Variants in ASZ1 observed in about 807,000 individuals in gnomAD.
ASZ1 encodes ankyrin repeat, SAM and basic leucine zipper domain-containing protein 1.
In ASZ1, 67 loss-of-function variants were observed where a neutral mutation model predicts 61.8. The observed-to-expected ratio is 1.08, with a 90% confidence interval of 0.89 to 1.33. The LOEUF (loss-of-function observed/expected upper bound fraction) is 1.33, where lower values mean the gene tolerates loss of function less well. Among genes scored for constraint, ASZ1 ranks in the 40% most tolerant of loss-of-function variants. The pLI is 0.00. For synonymous variants in ASZ1, 193 were observed against 192.7 expected (o/e 1.00, Z -0.01); for missense variants, 577 against 554.5 (o/e 1.04, Z -0.41).
At chr7:117,394,981 T>C (rs1009162412) in intron 4 of ASZ1, among the ~76,000 whole-genome samples, 3 of 152,220 alleles carry the variant, frequency 2.0e-5, no homozygotes, top group Non-Finnish European at 4.4e-5. Flanking sequence ...CCACTTTCTC[T>C]AGTTTAAGTC....
intron 4 of ASZ1, among the ~76,000 whole-genome samples, chr7:117,396,339 C>A (rs76345082): frequency 2.0e-5 from 3 of 152,154 alleles, no homozygotes; most frequent in African/African-American, 4.8e-5. Context: ...AAAGTGCTTA[C>A]AACAAGCATC....
chr7:117,365,389 T>C (rs375162302), intron 12 of ASZ1, among the ~76,000 whole-genome samples: 21 of 152,316 alleles, frequency 1.4e-4, no homozygotes, highest in East Asian at 9.6e-4. Flanking sequence ...GATTGAATTG[T>C]GTATACTTTA....
At chr7:117,392,848 CTTT>C (rs761543858) in intron 4 of ASZ1, among the ~76,000 whole-genome samples, 8 of 138,996 alleles carry the variant, frequency 5.8e-5, no homozygotes, top group East Asian at 2.0e-4. Context: ...TAAGATATAT[CTTT>C]TTTTTTTTTT....
At chr7:117,409,137 A>G (rs1796846168) in intron 4 of ASZ1, among the ~76,000 whole-genome samples, 1 of 152,042 alleles carries the variant, frequency 6.6e-6, no homozygotes, top group African/African-American at 2.4e-5. Context: ...TATAAGAAAG[A>G]AAGAAGGAAA....
chr7:117,367,444 G>A lies in ASZ1; in HGVS notation c.1183C>T (p.Pro395Ser), dbSNP rs1365037096. 6.5e-7 allele frequency: 1 copy of A among 1,542,778 alleles called. No individual in the cohort carries two copies. Among genetic ancestry groups the A allele is most frequent in the East Asian group, 2.4e-5 (1 of 40,896 alleles). Residue 395 changes from proline to serine, a missense_variant, in exon 12 of 13, where the codon CCC (proline) becomes TCC (serine). Coordinates refer to ENST00000284629, the MANE Select transcript of ASZ1 (RefSeq NM_130768.3). ...SQKITLEWAS[P>S]QNFTSVCEEL... ...TCACAAACTGAAGTAAAATTCTGGG[G>A]AGAAGCCCATTCCAGTGTTATCTGT...
At chr7:117,376,941 T>C (rs1013995262) in intron 10 of ASZ1, among the ~76,000 whole-genome samples, 1 of 151,236 alleles carries the variant, frequency 6.6e-6, no homozygotes, top group Non-Finnish European at 1.5e-5. Context: ...CCCACTGCCA[T>C]GAGGGAAAAA....
At chr7:117,425,154 C>T (rs1451678833) in intron 2 of ASZ1, among the ~76,000 whole-genome samples, 1 of 151,522 alleles carries the variant, frequency 6.6e-6, no homozygotes, top group African/African-American at 2.4e-5. Context: ...TATATAATCA[C>T]ATCTAACTAC....
Position 117,423,159 on chromosome 7 carries a change from C to T in ASZ1, c.206-800G>A, listed in dbSNP as rs1470579171. Reference sequence around the variant, plus strand: ...AATTCTGTCTTGGACAATCGAATGACAAGCAGTGAGCTAAAATAAAGGGAG... The same window carrying T: ...AATTCTGTCTTGGACAATCGAATGATAAGCAGTGAGCTAAAATAAAGGGAG... On this transcript the variant is annotated intron_variant, in intron 2 of 12. Transcript: ENST00000284629. Among the ~76,000 whole-genome samples the T allele has an allele frequency of 2.6e-5, 4 of 152,134 alleles. No individual in the cohort carries two copies. In the East Asian group the frequency reaches 7.7e-4, roughly 29 times the overall value.
intron 4 of ASZ1, among the ~76,000 whole-genome samples, chr7:117,397,845 G>C (rs1398336102): frequency 6.6e-6 from 1 of 152,228 alleles, no homozygotes; most frequent in Non-Finnish European, 1.5e-5. Flanking sequence ...ATTGGCTGTG[G>C]GCCAAGCATG....
In ASZ1 at chr7:117,380,598, G is replaced by C. The variant is rs573484950; in HGVS notation, c.945+413C>G. Among the ~76,000 whole-genome samples, 22 of 151,558 alleles carry C rather than the reference G, an allele frequency of 1.5e-4. No homozygotes were observed. The South Asian group carries it at 3.7e-3, about 26-fold the overall frequency. Reference sequence around the variant, plus strand: ...TCTCTAATACATCCCGCAGCTATATGTTATTAGATAATACTAGATGGCAAA... The same window carrying C: ...TCTCTAATACATCCCGCAGCTATATCTTATTAGATAATACTAGATGGCAAA... On this transcript the variant is annotated intron_variant, in intron 9 of 12. Coordinates refer to ENST00000284629, the MANE Select transcript of ASZ1 (RefSeq NM_130768.3).
intron 4 of ASZ1, among the ~76,000 whole-genome samples, chr7:117,415,060 C>A (rs912816303): frequency 6.6e-6 from 1 of 152,096 alleles, no homozygotes; most frequent in Non-Finnish European, 1.5e-5. Flanking sequence ...CTTGAGGAAT[C>A]GCCACACTGT....
chr7:117,402,961 C>G (rs113081583), intron 4 of ASZ1, among the ~76,000 whole-genome samples: 12 of 151,812 alleles, frequency 7.9e-5, no homozygotes, highest in Admixed American at 7.2e-4. Flanking sequence ...TAGAAAAAGA[C>G]TTAGCATGAT....
intron 10 of ASZ1, among the ~76,000 whole-genome samples, chr7:117,370,302 C>T (rs6960356): frequency 0.55 from 83,858 of 151,952 alleles, 26,573 homozygotes; most frequent in African/African-American, 0.88. Flanking sequence ...AAGAAGACCA[C>T]AGGACATATT....
chr7:117,384,852 C>A lies in ASZ1; in HGVS notation c.561G>T (p.Thr187=), dbSNP rs753320399. Residue 187 remains threonine, a synonymous_variant, in exon 6 of 13, where the codon ACG becomes ACT. Coordinates refer to ENST00000284629, the MANE Select transcript of ASZ1 (RefSeq NM_130768.3). ...TTTTATGACCCTGACGTGCTGCCCA[C>A]GTTAAAGCCTGTAAGTAGGGGGAAA... is the stretch of plus-strand genomic sequence containing the variant. ...TQDENGYTAL[T]WAARQGHKNI... is the part of the protein sequence containing the mutation. 3 of 1,589,816 alleles carry A rather than the reference C, an allele frequency of 1.9e-6. No individual in the cohort carries two copies. The highest frequency in any genetic ancestry group is 1.2e-5 in the South Asian group (1 of 86,214).
intron 11 of ASZ1, chr7:117,367,859 C>G (rs1224283034): frequency 1.8e-5 from 18 of 986,180 alleles, no homozygotes; most frequent in Non-Finnish European, 2.2e-5. Flanking sequence ...ATGAAATAAG[C>G]TGCTTTTGCA....
At chr7:117,420,506 C>T (rs539911610) in intron 3 of ASZ1, among the ~76,000 whole-genome samples, 1 of 152,192 alleles carries the variant, frequency 6.6e-6, no homozygotes, top group Non-Finnish European at 1.5e-5. Context: ...TCCCCTCTTA[C>T]TCCCATTACT....
At chr7:117,383,523 T>C (rs1416422064) in intron 6 of ASZ1, among the ~76,000 whole-genome samples, 1 of 151,974 alleles carries the variant, frequency 6.6e-6, no homozygotes, top group African/African-American at 2.4e-5. Flanking sequence ...AGATTAAATA[T>C]TAAGATAGTA....
chr7:117,413,675 GA>G (rs1384831564), intron 4 of ASZ1, among the ~76,000 whole-genome samples: 1 of 151,780 alleles, frequency 6.6e-6, no homozygotes, highest in Non-Finnish European at 1.5e-5. Flanking sequence ...AGAAAATAAA[GA>G]AAAATAATAA....
chr7:117,418,563 G>A (rs1797039509), intron 4 of ASZ1, among the ~76,000 whole-genome samples: 1 of 151,912 alleles, frequency 6.6e-6, no homozygotes. Context: ...TAAGGCAAGA[G>A]AATCATTTGA....
Sources: allele counts gnomAD v4.1 joint callset (sites outside exome capture counted in the v4.1 genomes callset), GRCh38; gene constraint gnomAD v4.1.1; transcripts MANE v1.5; gene names NCBI Gene and HGNC (gene_info 2026-07-23, HGNC 2026-07-21).